The following DRG2 variants were observed in gnomAD, a reference collection of about 807,000 sequenced individuals.
DRG2 encodes the protein developmentally-regulated GTP-binding protein 2.
DRG2 carries 36 observed loss-of-function variants against 53.4 expected under a neutral mutation model. That is an observed-to-expected ratio of 0.67 (90% CI 0.52 to 0.89). DRG2 has a LOEUF of 0.89. DRG2 is among the 40% of genes least tolerant of loss of function. DRG2 has a pLI of 0.00. For synonymous variants in DRG2, 167 were observed against 192.1 expected (o/e 0.87, Z 1.08); for missense variants, 342 against 481.2 (o/e 0.71, Z 2.71).
In DRG2 at chr17:18,107,271, C is replaced by G. The variant is rs1420024137; in HGVS notation, c.*31C>G. The G allele has an allele frequency of 1.9e-5, 31 of 1,606,904 alleles. No homozygotes were observed. The highest frequency in any genetic ancestry group is 2.5e-5 in the Non-Finnish European group (30 of 1,176,598). Reference sequence around the variant, plus strand: ...CCTGCCGGGCCTCCCGCCCACCTGCCTCGTCTCCCTGGGGAGGTGGTCCCA... The same window carrying G: ...CCTGCCGGGCCTCCCGCCCACCTGCGTCGTCTCCCTGGGGAGGTGGTCCCA... On this transcript the variant is annotated 3_prime_UTR_variant, in exon 13 of 13. Coordinates refer to ENST00000225729, the MANE Select transcript of DRG2 (RefSeq NM_001388.5).
rs1419434089 is a variant in DRG2, at chr17:18,090,384, A to T, written c.64+2297A>T. 2.7e-3 allele frequency among the ~76,000 whole-genome samples: 25 copies of T among 9,272 alleles called. 5 individuals carry two copies. Among genetic ancestry groups the T allele is most frequent in the South Asian group, 0.011 (1 of 88 alleles). 6.1% of individuals were successfully genotyped at this position (9,272 alleles called of 152,430 possible). A position where few individuals can be genotyped will look rare whatever the true frequency, so the allele number is the denominator to read the frequency against. ...CGGGCTAATTTATATATATATATAT[A>T]TATATATATATATATATATATATTT... On this transcript the variant is annotated intron_variant, in intron 1 of 12. Transcript: ENST00000225729.
At chr17:18,102,099 GCACAGCCTCCAGCAGCA>G (rs1178287416) in intron 9 of DRG2, 102 bp downstream of exon 9, 1 of 1,233,180 alleles carries the variant, frequency 8.1e-7, no homozygotes, top group Non-Finnish European at 1.2e-6. Context: ...GGAAAAGCCA[GCACAGCCTCCAGCAGCA>G]CACAGCCGTC....
chr17:18,088,476 C>T, intron 1 of DRG2, among the ~76,000 whole-genome samples: 1 of 152,202 alleles, frequency 6.6e-6, no homozygotes, highest in East Asian at 1.9e-4. Context: ...CAGGAACAGC[C>T]TCACCCAGCA....
rs139880967 is a variant in DRG2 at position 18,103,157 on chromosome 17, G to A, written c.807-644G>A. On this transcript the variant is annotated intron_variant, in intron 9 of 12. Transcript: ENST00000225729. This position sits in a 1 kb window ranked among gnomAD's most constrained non-coding sequence, Gnocchi z 4.4. ...GCCTTTGAGGGGCTGCCATCCTCAG[G>A]GCGTGAGAGCTTCTACACCTTTACC... Among the ~76,000 whole-genome samples, 204 of 152,152 alleles carry A rather than the reference G, an allele frequency of 1.3e-3. No homozygotes were observed. Among genetic ancestry groups the A allele is most frequent in the African/African-American group, 4.8e-3 (199 of 41,500 alleles).
intron 11 of DRG2, 194 bp from the exon 12 acceptor site, chr17:18,106,239 A>G: frequency 1.6e-6 from 1 of 608,260 alleles, no homozygotes; most frequent in Admixed American, 2.5e-5. Context: ...TGGCAGGGCC[A>G]CCTGCAGCTG....
rs2142199919 is a variant in DRG2 at position 18,101,515 on chromosome 17, T to C, written c.654T>C (p.Leu218=). 6.2e-7 allele frequency: 1 copy of C among 1,614,150 alleles called. No individual in the cohort carries two copies. The highest frequency in any genetic ancestry group is 2.2e-5 in the East Asian group (1 of 44,870). The part of the protein sequence containing the change: ...HEYKIFNAEV[L]FREDCSPDEF... ...CAGAGATCTTCAATGCAGAAGTGCT[T>C]TTCCGAGAAGACTGCTCCCCGGACG... The change falls in exon 8 of 13, where the codon CTT becomes CTC. Residue 218 remains leucine (L), a synonymous_variant. Transcript: ENST00000225729.
chr17:18,105,093 C>T (rs558302981), intron 11 of DRG2, among the ~76,000 whole-genome samples: 4 of 152,130 alleles, frequency 2.6e-5, no homozygotes, highest in Admixed American at 6.5e-5. Flanking sequence ...CAACCTGAGC[C>T]GGCTTATAGG....
intron 1 of DRG2, among the ~76,000 whole-genome samples, chr17:18,088,619 A>G (rs2045259290): frequency 6.6e-6 from 1 of 152,240 alleles, no homozygotes. Flanking sequence ...CAGTGTCCTC[A>G]TCTGTAAATG....
chr17:18,098,871 A>G lies in DRG2; in HGVS notation c.316-146A>G. Reference sequence around the variant, plus strand: ...TGGTCTGCACTGGGCTGGGGTGGTGACAAGGCTCAGACTTGGCCACAGGTT... The same window carrying G: ...TGGTCTGCACTGGGCTGGGGTGGTGGCAAGGCTCAGACTTGGCCACAGGTT... On this transcript the variant is annotated intron_variant, in intron 3 of 12. Coordinates refer to ENST00000225729, the MANE Select transcript of DRG2 (RefSeq NM_001388.5). This position sits in a 1 kb window ranked among gnomAD's most constrained non-coding sequence, Gnocchi z 4.1. The G allele has an allele frequency of 2.4e-6, 2 of 836,444 alleles. No individual in the cohort carries two copies. Among genetic ancestry groups the G allele is most frequent in the South Asian group, 3.4e-5 (2 of 59,142 alleles). 51.8% of individuals were successfully genotyped at this position (836,444 alleles called of 1,614,324 possible). A position where few individuals can be genotyped will look rare whatever the true frequency, so the allele number is the denominator to read the frequency against.
rs915474769 is a variant in DRG2, at chr17:18,088,067, C to A, written c.44C>A (p.Ala15Asp). 4.5e-6 allele frequency: 7 copies of A among 1,548,484 alleles called. No homozygotes were observed. Among genetic ancestry groups the A allele is most frequent in the Non-Finnish European group, 5.2e-6 (6 of 1,145,708 alleles). ...EKISEIEKEI[A>D]RTQKNKATEY... ...ATCTCGGAGATCGAGAAGGAGATCG[C>A]TCGGACACAGAAGAACAAGGGTGAG... The change falls in exon 1 of 13, where the codon GCT becomes GAT. Residue 15 changes from alanine (A) to aspartate (D), a missense_variant. Coordinates refer to ENST00000225729, the MANE Select transcript of DRG2 (RefSeq NM_001388.5).
intron 11 of DRG2, 139 bp from the exon 12 acceptor site, chr17:18,106,294 C>A (rs2045628398): frequency 1.1e-6 from 1 of 879,298 alleles, no homozygotes; most frequent in South Asian, 1.5e-5. Flanking sequence ...GTCCTCCACA[C>A]AAGGCCCAGA....
Position 18,099,390 on chromosome 17 carries a change from G to A in DRG2, c.377-243G>A. 2 of 615,774 alleles carry A rather than the reference G, an allele frequency of 3.2e-6. No individual in the cohort carries two copies. The highest frequency in any genetic ancestry group is 5.8e-6 in the Non-Finnish European group (2 of 347,354). 38.1% of individuals were successfully genotyped at this position (615,774 alleles called of 1,614,324 possible). A position where few individuals can be genotyped will look rare whatever the true frequency, so the allele number is the denominator to read the frequency against. ...CATTTAGCCTGGGCCCTGCCACATG[G>A]TAGGGGTGGGCGTAGGACAGCCGTT... is the stretch of plus-strand genomic sequence containing the variant. On this transcript the variant is annotated intron_variant, in intron 4 of 12. Coordinates refer to ENST00000225729, the MANE Select transcript of DRG2 (RefSeq NM_001388.5). The surrounding 1 kb of genome is among the most constrained non-coding windows in gnomAD (Gnocchi z 4.4).
chr17:18,088,128 C>T lies in DRG2; in HGVS notation c.64+41C>T, dbSNP rs190118088. The T allele has an allele frequency of 5.9e-6, 9 of 1,531,846 alleles. No homozygotes were observed. In the African/African-American group the frequency reaches 1.2e-4, roughly 21 times the overall value. The allele number at this position is 1,531,846 out of a possible 1,614,324, so 94.9% of individuals were successfully genotyped here. The stretch of plus-strand genomic sequence containing the variant: ...GCGGGGCCTTCCTTTCTGCCTGCCT[C>T]AGTTTTCCTGTCTGTAAAATGGGGG... On this transcript the variant is annotated intron_variant, in intron 1 of 12. Transcript: ENST00000225729.
In DRG2 at chr17:18,088,054, GAGA is replaced by G. The variant is rs2045246604; in HGVS notation, c.34_36del (p.Lys12del). ...GATCTTAGAGAAGATCTCGGAGATC[GAGA>G]AGGAGATCGCTCGGACACAGAAGAA... On this transcript the variant is annotated inframe_deletion, in exon 1 of 13. Coordinates refer to ENST00000225729, the MANE Select transcript of DRG2 (RefSeq NM_001388.5). 3 of 1,549,776 alleles carry G rather than the reference GAGA, an allele frequency of 1.9e-6. No individual in the cohort carries two copies. The highest frequency in any genetic ancestry group is 2.6e-6 in the Non-Finnish European group (3 of 1,146,348).
At chr17:18,089,802 G>A (rs1425849878) in intron 1 of DRG2, among the ~76,000 whole-genome samples, 1 of 152,146 alleles carries the variant, frequency 6.6e-6, no homozygotes, top group Non-Finnish European at 1.5e-5. Context: ...CCTGAGGCAG[G>A]AACAAACTTG....
chr17:18,088,376 G>A (rs1404876506), intron 1 of DRG2, among the ~76,000 whole-genome samples: 1 of 152,176 alleles, frequency 6.6e-6, no homozygotes, highest in African/African-American at 2.4e-5. Context: ...AGAGAGAGGC[G>A]GAGCTGGGGT....
intron 1 of DRG2, among the ~76,000 whole-genome samples, chr17:18,090,373 TATATATATATA>T (rs1567597873): frequency 0.024 from 263 of 10,850 alleles, 20 homozygotes; most frequent in Non-Finnish European, 0.027. Context: ...CTAATTTATA[TATATATATATA>T]TATATATATA....
rs572382638 is a variant in DRG2 at position 18,099,321 on chromosome 17, T to A, written c.376+244T>A. On this transcript the variant is annotated intron_variant, in intron 4 of 12. Transcript: ENST00000225729. The surrounding 1 kb of genome is among the most constrained non-coding windows in gnomAD (Gnocchi z 4.4). ...TAGAATGGGCATAATAATACATAAT[T>A]TACAGCATAGTTTTGAGGATTAAGT... The A allele has an allele frequency of 6.5e-6, 4 of 611,774 alleles. No individual in the cohort carries two copies. Among genetic ancestry groups the A allele is most frequent in the Non-Finnish European group, 1.1e-5 (4 of 348,326 alleles). The allele number at this position is 611,774 out of a possible 1,614,324, so 37.9% of individuals were successfully genotyped here. A position where few individuals can be genotyped will look rare whatever the true frequency, so the allele number is the denominator to read the frequency against.
At chr17:18,090,371 TATATATATATA>T (rs2045296576) in intron 1 of DRG2, among the ~76,000 whole-genome samples, 1 of 8,032 alleles carries the variant, frequency 1.2e-4, no homozygotes, top group East Asian at 6.6e-3. Flanking sequence ...GGCTAATTTA[TATATATATATA>T]TATATATATA....
Sources: allele counts gnomAD v4.1 joint callset (sites outside exome capture counted in the v4.1 genomes callset), GRCh38; gene constraint gnomAD v4.1.1; non-coding constraint Gnocchi (gnomAD v3.1); transcripts MANE v1.5; gene names NCBI Gene and HGNC (gene_info 2026-07-23, HGNC 2026-07-21).